Variants in THSD7A observed in about 807,000 individuals in gnomAD.
The protein encoded by THSD7A is thrombospondin type-1 domain-containing protein 7A.
A neutral mutation model predicts 231.3 loss-of-function variants in THSD7A; 96 were observed. That is an observed-to-expected ratio of 0.41 (90% CI 0.35 to 0.49). The LOEUF is 0.49. THSD7A is among the 20% of genes least tolerant of loss of function. The pLI, the probability that THSD7A is intolerant of heterozygous loss-of-function variation, is 0.05. For missense variants in THSD7A, 2,290 were observed against 2,070.2 expected, an observed-to-expected ratio of 1.11 and a Z score of -2.06; for synonymous variants, 940 against 743.3, an observed-to-expected ratio of 1.26 and a Z score of -4.30.
chr7:11,717,430 T>C (rs1781178286), intron 1 of THSD7A, among the ~76,000 whole-genome samples: 1 of 151,674 alleles, frequency 6.6e-6, no homozygotes, highest in African/African-American at 2.4e-5. Context: ...TTCCTACCTC[T>C]CCTCACCACT....
intron 11 of THSD7A, among the ~76,000 whole-genome samples, chr7:11,458,592 A>G (rs749667428): frequency 6.6e-6 from 1 of 152,146 alleles, no homozygotes; most frequent in Non-Finnish European, 1.5e-5. Context: ...AGGAAGCACT[A>G]TGTAAGTACA....
At chr7:11,751,846 A>T (rs1782512450) in intron 1 of THSD7A, among the ~76,000 whole-genome samples, 1 of 151,996 alleles carries the variant, frequency 6.6e-6, no homozygotes, top group South Asian at 2.1e-4. Flanking sequence ...TCCTCCTGAA[A>T]TGGGTCGGGA....
intron 19 of THSD7A, among the ~76,000 whole-genome samples, chr7:11,407,854 A>G (rs575144213): frequency 1.4e-4 from 22 of 152,346 alleles, no homozygotes; most frequent in Admixed American, 1.3e-3. Flanking sequence ...CTGAAAAGCA[A>G]AAGGAAAAGG....
At chr7:11,803,283 A>G (rs1236076872) in intron 1 of THSD7A, among the ~76,000 whole-genome samples, 2 of 152,134 alleles carry the variant, frequency 1.3e-5, no homozygotes, top group African/African-American at 2.4e-5. Context: ...TCAATATTTT[A>G]TAGTGGAGAA....
At chr7:11,534,554 G>A (rs988338396) in intron 6 of THSD7A, among the ~76,000 whole-genome samples, 1 of 152,156 alleles carries the variant, frequency 6.6e-6, no homozygotes, top group East Asian at 1.9e-4. Flanking sequence ...TTCCACAAGA[G>A]AGCTCAGGTG....
At chr7:11,412,247 G>A (rs148538930) in intron 18 of THSD7A, among the ~76,000 whole-genome samples, 7 of 152,224 alleles carry the variant, frequency 4.6e-5, no homozygotes, top group African/African-American at 1.7e-4. Flanking sequence ...GACTAATCAT[G>A]TTTATAAACT....
intron 1 of THSD7A, among the ~76,000 whole-genome samples, chr7:11,709,583 C>G (rs1780884040): frequency 6.6e-6 from 1 of 150,806 alleles, no homozygotes; most frequent in African/African-American, 2.4e-5. Flanking sequence ...ATAGTTCAGT[C>G]AATACCTGAT....
intron 1 of THSD7A, among the ~76,000 whole-genome samples, chr7:11,783,597 G>A (rs1030473283): frequency 2.6e-5 from 4 of 152,028 alleles, no homozygotes; most frequent in African/African-American, 9.7e-5. Context: ...TGACAATTTT[G>A]GCCTCATGCA....
At chr7:11,588,676 G>T (rs773822813) in intron 4 of THSD7A, among the ~76,000 whole-genome samples, 3 of 152,080 alleles carry the variant, frequency 2.0e-5, no homozygotes, top group Admixed American at 2.0e-4. Context: ...GAATTCTGAA[G>T]GATCTTTGGA....
At chr7:11,701,725 T>A (rs1233742110) in intron 1 of THSD7A, among the ~76,000 whole-genome samples, 1 of 151,170 alleles carries the variant, frequency 6.6e-6, no homozygotes, top group East Asian at 2.0e-4. Flanking sequence ...TAGATGTTGA[T>A]CCTTGAGCCA....
intron 1 of THSD7A, among the ~76,000 whole-genome samples, chr7:11,792,357 T>C (rs1024920951): frequency 6.6e-6 from 1 of 151,974 alleles, no homozygotes; most frequent in African/African-American, 2.4e-5. Flanking sequence ...GAAAAGTCCT[T>C]GATGGCTGCC....
intron 23 of THSD7A, chr7:11,385,095 T>G (rs1782676161): frequency 6.6e-6 from 1 of 151,266 alleles, no homozygotes; most frequent in African/African-American, 2.4e-5. Flanking sequence ...CAATTCAATT[T>G]TATAACAGTT....
intron 2 of THSD7A, among the ~76,000 whole-genome samples, chr7:11,606,013 C>A (rs752205622): frequency 8.5e-5 from 13 of 152,114 alleles, no homozygotes; most frequent in Non-Finnish European, 1.5e-4. Flanking sequence ...TTTTAGTTTC[C>A]TGCCTTTGTA....
At chr7:11,496,664 G>A (rs368033856) in intron 6 of THSD7A, among the ~76,000 whole-genome samples, 23 of 152,270 alleles carry the variant, frequency 1.5e-4, no homozygotes, top group Non-Finnish European at 2.6e-4. Context: ...CTGTGGCTAC[G>A]TAAGCTGCTT....
intron 1 of THSD7A, among the ~76,000 whole-genome samples, chr7:11,685,133 CTATT>C (rs1221386590): frequency 1.3e-5 from 2 of 152,032 alleles, no homozygotes; most frequent in South Asian, 2.1e-4. Context: ...AAAGAACACT[CTATT>C]TAATAAATGT....
intron 1 of THSD7A, among the ~76,000 whole-genome samples, chr7:11,759,887 G>C (rs929027430): frequency 1.3e-5 from 2 of 152,044 alleles, no homozygotes; most frequent in Non-Finnish European, 2.9e-5. Flanking sequence ...ATGTTGCATA[G>C]AGAAGTTAGT....
intron 6 of THSD7A, among the ~76,000 whole-genome samples, chr7:11,533,206 T>A (rs1261175544): frequency 6.6e-6 from 1 of 151,966 alleles, no homozygotes; most frequent in East Asian, 1.9e-4. Context: ...CAGTTCAGAG[T>A]GAAAAAAATG....
At chr7:11,417,978 G>C (rs1233288282) in intron 16 of THSD7A, among the ~76,000 whole-genome samples, 1 of 152,200 alleles carries the variant, frequency 6.6e-6, no homozygotes, top group Non-Finnish European at 1.5e-5. Context: ...GAGCTTCGTA[G>C]AGGGCTTACA....
At chr7:11,601,772 C>A (rs532901792) in intron 2 of THSD7A, among the ~76,000 whole-genome samples, 1 of 152,128 alleles carries the variant, frequency 6.6e-6, no homozygotes, top group African/African-American at 2.4e-5. Flanking sequence ...TTTGGTAGAA[C>A]CCAAAATGTA....
Sources: allele counts gnomAD v4.1 joint callset (sites outside exome capture counted in the v4.1 genomes callset), GRCh38; gene constraint gnomAD v4.1.1; transcripts MANE v1.5; gene names NCBI Gene and HGNC (gene_info 2026-07-23, HGNC 2026-07-21).